The following ANKHD1 variants were observed in gnomAD, a reference collection of about 807,000 sequenced individuals.
The protein encoded by ANKHD1 is ankyrin repeat and KH domain containing 1, also known as ankyrin repeat and KH domain-containing protein 1.
In ANKHD1, 31 loss-of-function variants were observed where a neutral mutation model predicts 230.5. That is an observed-to-expected ratio of 0.13 (90% confidence interval 0.10 to 0.18). The LOEUF (loss-of-function observed/expected upper bound fraction) is 0.18, where lower values mean the gene tolerates loss of function less well. ANKHD1 is among the 10% of genes least tolerant of loss of function. The pLI, the probability that ANKHD1 is intolerant of heterozygous loss-of-function variation, is 1.00. For synonymous variants in ANKHD1, 1,074 were observed against 1,117.6 expected, an observed-to-expected ratio of 0.96 and a Z score of 0.78; for missense variants, 2,256 against 3,071.3, an observed-to-expected ratio of 0.73 and a Z score of 6.27.
At chr5:140,438,321 T>C in intron 2 of ANKHD1, 140 bp from the exon 3 acceptor site, 1 of 1,249,660 alleles carries the variant, frequency 8.0e-7, no homozygotes, top group Non-Finnish European at 1.0e-6. Context: ...ATAAGCCTTA[T>C]CTTCTGTCAA....
intron 1 of ANKHD1, among the ~76,000 whole-genome samples, chr5:140,425,342 C>A (rs561132472): frequency 6.6e-5 from 10 of 152,274 alleles, no homozygotes; most frequent in African/African-American, 1.9e-4. Context: ...CTCATGCAGC[C>A]TCTACCTTCT....
At chr5:140,421,500 C>T (rs1374713052) in intron 1 of ANKHD1, among the ~76,000 whole-genome samples, 1 of 151,984 alleles carries the variant, frequency 6.6e-6, no homozygotes, top group African/African-American at 2.4e-5. Context: ...GAGGTTTCAC[C>T]ATGTTAGCCA....
At chr5:140,481,161 A>T (rs1275447916) in intron 10 of ANKHD1, among the ~76,000 whole-genome samples, 1 of 152,118 alleles carries the variant, frequency 6.6e-6, no homozygotes, top group Non-Finnish European at 1.5e-5. Flanking sequence ...TATTTCCAGG[A>T]TGTAGTTGAT....
chr5:140,528,666 A>C lies in ANKHD1; in HGVS notation c.5720A>C (p.His1907Pro), dbSNP rs376306670. 1 of 1,614,078 alleles carries C rather than the reference A, an allele frequency of 6.2e-7. No individual in the cohort carries two copies. Among genetic ancestry groups the C allele is most frequent in the African/African-American group, 1.3e-5 (1 of 74,930 alleles). Residue 1907 changes from histidine to proline, a missense_variant, in exon 29 of 34, where the codon CAT (histidine) becomes CCT (proline). By Grantham distance (77) the His-to-Pro change is moderately conservative. This residue lies in a region of ANKHD1 where 778 missense variants were observed against 966.5 expected (regional missense o/e 0.80). Coordinates refer to ENST00000360839, the MANE Select transcript of ANKHD1 (RefSeq NM_017747.3). ...GGCAACACAAATAGCTCTCCAAAGC[A>C]TAATAACACAAGCCGTCTACCTAAC... ...NPGNTNSSPKHNNTSRLPNQN... is the reference protein window; with the variant it reads ...NPGNTNSSPKPNNTSRLPNQN...
At chr5:140,455,818 C>T (rs529174773) in intron 7 of ANKHD1, among the ~76,000 whole-genome samples, 28 of 152,286 alleles carry the variant, frequency 1.8e-4, no homozygotes, top group Admixed American at 2.0e-4. Flanking sequence ...ACAGGCATGC[C>T]GTCTCTCACC....
At chr5:140,405,162 A>G (rs1770328030) in intron 1 of ANKHD1, among the ~76,000 whole-genome samples, 1 of 152,098 alleles carries the variant, frequency 6.6e-6, no homozygotes, top group African/African-American at 2.4e-5. Flanking sequence ...GAAGAGCCCC[A>G]TATTCTCCTG....
chr5:140,488,521 G>T (rs1037180764), intron 14 of ANKHD1, among the ~76,000 whole-genome samples: 2 of 151,862 alleles, frequency 1.3e-5, no homozygotes, highest in Non-Finnish European at 2.9e-5. Flanking sequence ...AGGAGGTGGA[G>T]GTTGCAGTGA....
chr5:140,453,003 C>A (rs1774871987), intron 7 of ANKHD1, among the ~76,000 whole-genome samples: 1 of 152,050 alleles, frequency 6.6e-6, no homozygotes, highest in Non-Finnish European at 1.5e-5. Context: ...CTAGAATAAC[C>A]AGTGTAGAGA....
intron 10 of ANKHD1, among the ~76,000 whole-genome samples, chr5:140,470,126 C>T (rs1581303143): frequency 6.6e-6 from 1 of 151,950 alleles, no homozygotes. Flanking sequence ...TGAATATTGC[C>T]AAAGCCTGCT....
chr5:140,475,326 A>G (rs188496776), intron 10 of ANKHD1, among the ~76,000 whole-genome samples: 1 of 152,328 alleles, frequency 6.6e-6, no homozygotes, highest in Admixed American at 6.5e-5. Flanking sequence ...GGCTAAAAAA[A>G]TACACAATGG....
Position 140,506,801 on chromosome 5 carries a change from A to G in ANKHD1, c.3409-34A>G. The G allele has an allele frequency of 6.2e-7, 1 of 1,610,214 alleles. No homozygotes were observed. The highest frequency in any genetic ancestry group is 8.5e-7 in the Non-Finnish European group (1 of 1,179,084). ...TCATTATAAGTTGAGCCCTTGGTGT[A>G]AACTCTCTTCTCTATCCATATTTTA... is the stretch of plus-strand genomic sequence containing the variant. On this transcript the variant is annotated intron_variant, in intron 18 of 33. Coordinates refer to ENST00000360839, the MANE Select transcript of ANKHD1 (RefSeq NM_017747.3). The surrounding 1 kb of genome is among the most constrained non-coding windows in gnomAD (Gnocchi z 4.7).
Position 140,485,443 on chromosome 5 carries a change from T to C in ANKHD1, c.1999-146T>C. 1.0e-6 allele frequency: 1 copy of C among 988,242 alleles called. No individual in the cohort carries two copies. Among genetic ancestry groups the C allele is most frequent in the East Asian group, 3.3e-5 (1 of 30,028 alleles). The allele number at this position is 988,242 out of a possible 1,614,324, so 61.2% of individuals were successfully genotyped here. A position where few individuals can be genotyped will look rare whatever the true frequency, so the allele number is the denominator to read the frequency against. ...ACACACACACGTATGTATGTGTATA[T>C]ATATATAAATAATATGTGTATAGTT... On this transcript the variant is annotated intron_variant, in intron 12 of 33. Transcript: ENST00000360839. The surrounding 1 kb of genome is among the most constrained non-coding windows in gnomAD (Gnocchi z 4.8).
At position 140,476,379 on chromosome 5, in the gene ANKHD1, A is replaced by G. The variant is rs558482519; in HGVS notation, c.1783-6201A>G. 4.5e-4 allele frequency among the ~76,000 whole-genome samples: 69 copies of G among 152,242 alleles called. 1 individual carries two copies. Among genetic ancestry groups the G allele is most frequent in the Middle Eastern group, 6.8e-3 (2 of 294 alleles). ...CTAGACATGAATCCTTGACTGAAGA[A>G]TCATATCCATCACTAAGCAGAACAG... On this transcript the variant is annotated intron_variant, in intron 10 of 33. Transcript: ENST00000360839.
chr5:140,483,717 C>G (rs1348585002), intron 11 of ANKHD1, among the ~76,000 whole-genome samples: 3 of 152,138 alleles, frequency 2.0e-5, no homozygotes. Context: ...CTCGGCCTCC[C>G]AAAGTGCTGG....
At chr5:140,466,189 A>G (rs928507975) in intron 10 of ANKHD1, among the ~76,000 whole-genome samples, 1 of 151,738 alleles carries the variant, frequency 6.6e-6, no homozygotes, top group African/African-American at 2.4e-5. Context: ...GTCAGGTGTT[A>G]AAGACCAGCC....
At chr5:140,407,315 C>G (rs764885461) in intron 1 of ANKHD1, among the ~76,000 whole-genome samples, 1 of 147,190 alleles carries the variant, frequency 6.8e-6, no homozygotes, top group East Asian at 2.0e-4. Context: ...AAAAAAACCA[C>G]TTTAAAAAAT....
intron 14 of ANKHD1, among the ~76,000 whole-genome samples, chr5:140,488,089 T>A (rs1403170788): frequency 1.3e-5 from 2 of 152,204 alleles, no homozygotes; most frequent in African/African-American, 4.8e-5. Context: ...CTATTCAAAA[T>A]TTTCCTGCTG....
chr5:140,464,381 GA>G (rs535691487), intron 9 of ANKHD1, among the ~76,000 whole-genome samples: 225 of 152,208 alleles, frequency 1.5e-3, no homozygotes, highest in African/African-American at 5.3e-3. Context: ...TATGATTTCT[GA>G]AAAATGCTTA....
At chr5:140,427,296 G>A (rs1227134353) in intron 1 of ANKHD1, among the ~76,000 whole-genome samples, 4 of 145,288 alleles carry the variant, frequency 2.8e-5, no homozygotes, top group African/African-American at 5.1e-5. Context: ...CCTCCCTCCC[G>A]GACGGGGCGG....
Sources: gnomAD v4.1 joint callset for allele counts (sites outside exome capture counted in the v4.1 genomes callset) on GRCh38, gnomAD v4.1.1 for gene constraint, gnomAD v4.1.1 regional missense constraint, Gnocchi (gnomAD v3.1) non-coding constraint, MANE v1.5 for transcripts, NCBI Gene and HGNC (gene_info 2026-07-23, HGNC 2026-07-21) for gene names.